Variants in THSD7B observed in about 807,000 individuals in gnomAD.
The protein encoded by THSD7B is thrombospondin type-1 domain-containing protein 7B.
In THSD7B, 138 loss-of-function variants were observed where a neutral mutation model predicts 213.6. The observed-to-expected ratio is 0.65, with a 90% confidence interval of 0.56 to 0.74. The LOEUF (loss-of-function observed/expected upper bound fraction) is 0.74. Among genes scored for constraint, THSD7B ranks in the 30% least tolerant of loss-of-function variants. The pLI is 0.00. For synonymous variants in THSD7B, 742 were observed against 687.0 expected (o/e 1.08, Z -1.25); for missense variants, 1,931 against 1,991.5 (o/e 0.97, Z 0.58).
chr2:136,859,803 G>A lies in THSD7B; in HGVS notation c.-35-22341G>A, dbSNP rs554069254. 2.0e-5 allele frequency among the ~76,000 whole-genome samples: 3 copies of A among 152,300 alleles called. No homozygotes were observed. The South Asian group carries it at 6.2e-4, about 32-fold the overall frequency. The stretch of plus-strand genomic sequence containing the variant: ...AGCCCCAAAAGAGCAGCCCAGCACT[G>A]AAAGTGTCAGGAGTGAAGGGAAGGA... On this transcript the variant is annotated intron_variant, in intron 1 of 27. Coordinates refer to ENST00000409968, the MANE Select transcript of THSD7B (RefSeq NM_001316349.2).
intron 7 of THSD7B, among the ~76,000 whole-genome samples, chr2:137,190,816 G>A (rs1037342800): frequency 3.3e-5 from 5 of 152,206 alleles, no homozygotes; most frequent in South Asian, 2.1e-4. Context: ...CTTTTCCCTC[G>A]TGTGGAGAGT....
chr2:136,820,127 T>C (rs1239221725), intron 1 of THSD7B, among the ~76,000 whole-genome samples: 1 of 152,206 alleles, frequency 6.6e-6, no homozygotes, highest in Non-Finnish European at 1.5e-5. Flanking sequence ...CGGCCAGTAT[T>C]TCTCCACCTT....
intron 2 of THSD7B, among the ~76,000 whole-genome samples, chr2:136,949,517 G>T (rs1328968614): frequency 1.3e-5 from 2 of 152,192 alleles, no homozygotes; most frequent in Non-Finnish European, 2.9e-5. Flanking sequence ...TCAGACTAGG[G>T]TCTGCAGTTT....
intron 18 of THSD7B, 37 bp from the exon 19 acceptor site, chr2:137,618,355 A>ATT: frequency 6.3e-7 from 1 of 1,584,110 alleles, no homozygotes; most frequent in Non-Finnish European, 8.6e-7. Flanking sequence ...CATGGCCATA[A>ATT]TTTTGAAACT....
chr2:137,460,848 T>C (rs1464219166), intron 15 of THSD7B, among the ~76,000 whole-genome samples: 1 of 152,082 alleles, frequency 6.6e-6, no homozygotes, highest in African/African-American at 2.4e-5. Context: ...GACCCCTCTG[T>C]TTCCTAAATC....
At chr2:137,373,571 T>G (rs1157359616) in intron 12 of THSD7B, among the ~76,000 whole-genome samples, 2 of 152,228 alleles carry the variant, frequency 1.3e-5, no homozygotes, top group African/African-American at 4.8e-5. Context: ...TAAATTTGTT[T>G]GAGTTCATTG....
chr2:136,988,944 C>T (rs1353220035), intron 2 of THSD7B, among the ~76,000 whole-genome samples: 2 of 152,106 alleles, frequency 1.3e-5, no homozygotes, highest in African/African-American at 2.4e-5. Flanking sequence ...TACATTTTAC[C>T]AAGGCTAGAG....
rs778167032 is a variant in THSD7B, at chr2:137,620,611, T to C, written c.3684T>C (p.His1228=). The change falls in exon 20 of 28, where the codon CAT becomes CAC. Residue 1228 remains histidine (H), a splice_region_variant and synonymous_variant. Coordinates refer to ENST00000409968, the MANE Select transcript of THSD7B (RefSeq NM_001316349.2). ...TTGTGTTTCATTTCCATTTGCAGCA[T>C]AATTTGGAGAAGCCCCAGAGAATGA... is the stretch of plus-strand genomic sequence containing the variant. ...KPVSMDQCEQ[H]NLEKPQRMSI... 54 of 1,612,130 alleles carry C rather than the reference T, an allele frequency of 3.3e-5. No individual in the cohort carries two copies. The highest frequency in any genetic ancestry group is 4.2e-5 in the Non-Finnish European group (50 of 1,178,600).
intron 15 of THSD7B, among the ~76,000 whole-genome samples, chr2:137,474,850 A>G (rs572828112): frequency 2.0e-5 from 3 of 152,298 alleles, no homozygotes; most frequent in East Asian, 1.9e-4. Context: ...ACATACCACA[A>G]TCTGTGGCAT....
intron 2 of THSD7B, among the ~76,000 whole-genome samples, chr2:136,909,766 A>G (rs921276458): frequency 6.6e-6 from 1 of 152,206 alleles, no homozygotes; most frequent in African/African-American, 2.4e-5. Context: ...AGTACAATCC[A>G]CACGATGCTT....
intron 12 of THSD7B, among the ~76,000 whole-genome samples, chr2:137,290,310 C>G (rs1281735180): frequency 6.6e-6 from 1 of 151,982 alleles, no homozygotes; most frequent in African/African-American, 2.4e-5. Flanking sequence ...AGGATGGTCT[C>G]GATCTCCTGA....
At chr2:136,799,613 A>G (rs765203202) in intron 1 of THSD7B, among the ~76,000 whole-genome samples, 12 of 152,040 alleles carry the variant, frequency 7.9e-5, no homozygotes, top group Non-Finnish European at 1.2e-4. Flanking sequence ...TTGACTACAC[A>G]TACACACAGA....
intron 15 of THSD7B, among the ~76,000 whole-genome samples, chr2:137,499,239 T>C (rs915421388): frequency 1.3e-5 from 2 of 152,210 alleles, no homozygotes; most frequent in Non-Finnish European, 2.9e-5. Flanking sequence ...CTTCCATCTA[T>C]TCTATTACAG....
intron 12 of THSD7B, among the ~76,000 whole-genome samples, chr2:137,283,364 T>A (rs1683083419): frequency 6.6e-6 from 1 of 152,172 alleles, no homozygotes; most frequent in African/African-American, 2.4e-5. Flanking sequence ...TTTGACTTCC[T>A]CTTTTCCTAA....
chr2:137,075,713 G>A (rs1411453390), intron 3 of THSD7B, among the ~76,000 whole-genome samples: 2 of 152,052 alleles, frequency 1.3e-5, no homozygotes, highest in African/African-American at 4.8e-5. Flanking sequence ...CCATCTTTGT[G>A]GTTTTATCTA....
At chr2:136,793,612 C>G (rs1181383424) in intron 1 of THSD7B, among the ~76,000 whole-genome samples, 1 of 151,874 alleles carries the variant, frequency 6.6e-6, no homozygotes, top group Non-Finnish European at 1.5e-5. Flanking sequence ...TCTTGCATCA[C>G]TGGAATAAAT....
Position 137,563,289 on chromosome 2 carries a change from A to C in THSD7B, c.3207A>C (p.Ser1069=), listed in dbSNP as rs747231103. The C allele has an allele frequency of 3.7e-6, 6 of 1,613,480 alleles. No individual in the cohort carries two copies. The East Asian group carries it at 1.3e-4, about 36-fold the overall frequency. The change falls in exon 16 of 28, where the codon TCA becomes TCC. Residue 1069 remains serine, a synonymous_variant. Coordinates refer to ENST00000409968, the MANE Select transcript of THSD7B (RefSeq NM_001316349.2). ...CCTGGGTTGTAGAACACTGGTCTTC[A>C]TGCAAAATCAACAATGAGCTGAGGT... ...QYSWVVEHWS[S]CKINNELRSL...
At chr2:136,951,576 T>A (rs1685039486) in intron 2 of THSD7B, among the ~76,000 whole-genome samples, 1 of 152,170 alleles carries the variant, frequency 6.6e-6, no homozygotes. Context: ...AGGAGAATAG[T>A]GATTTAAAAA....
chr2:137,499,080 C>T (rs548065166), intron 15 of THSD7B, among the ~76,000 whole-genome samples: 239 of 152,220 alleles, frequency 1.6e-3, no homozygotes, highest in African/African-American at 2.7e-3. Flanking sequence ...TCAGAACCAC[C>T]GGAAAACTCA....
Sources: gnomAD v4.1 joint callset for allele counts (sites outside exome capture counted in the v4.1 genomes callset) on GRCh38, gnomAD v4.1.1 for gene constraint, MANE v1.5 for transcripts, NCBI Gene and HGNC (gene_info 2026-07-23, HGNC 2026-07-21) for gene names.